The following SH2D1A variants were observed in gnomAD, a reference collection of about 807,000 sequenced individuals.
SH2D1A encodes the protein SH2 domain-containing protein 1A.
Under a neutral mutation model 10.1 loss-of-function variants are expected in SH2D1A, and 6 were observed. That is an observed-to-expected ratio of 0.60 (90% confidence interval 0.33 to 1.18). The LOEUF (loss-of-function observed/expected upper bound fraction) is 1.18, where lower values mean the gene tolerates loss of function less well. Among genes scored for constraint, SH2D1A ranks in the 50% most tolerant of loss-of-function variants. SH2D1A has a pLI of 0.04. For missense variants in SH2D1A, 51 were observed against 97.6 expected (o/e 0.52, Z 2.01); for synonymous variants, 42 against 36.9 (o/e 1.14, Z -0.51).
Position 124,371,092 on chromosome X carries a change from G to A in SH2D1A, c.347-259G>A, listed in dbSNP as rs773921551. Among the ~76,000 whole-genome samples, 134 of 111,597 alleles carry A rather than the reference G, an allele frequency of 1.2e-3. 1 individual carries two copies. The East Asian group carries it at 0.036, about 30-fold the overall frequency. On this transcript the variant is annotated intron_variant, in intron 3 of 3. Coordinates refer to ENST00000371139, the MANE Select transcript of SH2D1A (RefSeq NM_002351.5). ...CATAAACTGACAATTAGACTCAAGT[G>A]GTGAATTAAATTAATGAATAGTTAG...
chrX:124,370,893 TGCTAAAGACTGAATACCA>T (rs1202648121), intron 3 of SH2D1A, among the ~76,000 whole-genome samples: 1 of 112,286 alleles, frequency 8.9e-6, no homozygotes, highest in Non-Finnish European at 1.9e-5. Context: ...GTATGTGTCG[TGCTAAAGACTGAATACCA>T]GCCAATGTCT....
intron 2 of SH2D1A, chrX:124,367,708 C>G (rs1349199200): frequency 9.0e-6 from 1 of 111,246 alleles, no homozygotes; most frequent in Non-Finnish European, 1.9e-5. Flanking sequence ...AAACCCTGGC[C>G]CCACTGAATT....
chrX:124,359,035 T>C (rs1044928002), intron 1 of SH2D1A, among the ~76,000 whole-genome samples: 23 of 111,615 alleles, frequency 2.1e-4, no homozygotes, highest in African/African-American at 7.2e-4. Flanking sequence ...TATAAACTGC[T>C]GGCCTATTTG....
In SH2D1A at chrX:124,365,797, G is replaced by A; in HGVS notation, c.174G>A (p.Gln58=). Residue 58 remains glutamine (Q), a synonymous_variant, in exon 2 of 4, where the codon CAG becomes CAA. Transcript: ENST00000371139. ...HGYIYTYRVS[Q]TETGSWSAET... ...ACATTTATACATACCGAGTGTCCCA[G>A]ACAGAAACAGGTTCTTGGAGTGCTG... The A allele has an allele frequency of 4.2e-6, 5 of 1,176,815 alleles. No individual in the cohort carries two copies. The highest frequency in any genetic ancestry group is 3.5e-6 in the Non-Finnish European group (3 of 863,733).
intron 1 of SH2D1A, among the ~76,000 whole-genome samples, chrX:124,355,578 T>C (rs1305456602): frequency 9.0e-6 from 1 of 111,704 alleles, no homozygotes; most frequent in African/African-American, 3.3e-5. Flanking sequence ...GGTTTGTCTG[T>C]ATTAAGGGAG....
rs947325867 is a variant in SH2D1A at position 124,358,856 on chromosome X, C to A, written c.138-6905C>A. Among the ~76,000 whole-genome samples the A allele has an allele frequency of 2.7e-5, 3 of 111,590 alleles. No homozygotes were observed. In the Admixed American group the frequency reaches 2.8e-4, roughly 11 times the overall value. ...TCTGATTTAACAGGTCTGGGTGGGG[C>A]CTGGAAGTCTACATTTCTAACAAGC... is the stretch of plus-strand genomic sequence containing the variant. On this transcript the variant is annotated intron_variant, in intron 1 of 3. Coordinates refer to ENST00000371139, the MANE Select transcript of SH2D1A (RefSeq NM_002351.5).
intron 1 of SH2D1A, among the ~76,000 whole-genome samples, chrX:124,350,261 AAATATATATTATATATAATATTATAT>A (rs1458926862): frequency 6.8e-5 from 2 of 29,415 alleles, no homozygotes; most frequent in Non-Finnish European, 1.0e-4. Flanking sequence ...TATAATATAT[AAATATATATTATATATAATATTATAT>A]AATATATAAT....
chrX:124,354,809 A>G (rs1198379005), intron 1 of SH2D1A, among the ~76,000 whole-genome samples: 2 of 112,478 alleles, frequency 1.8e-5, no homozygotes, highest in Non-Finnish European at 3.8e-5. Context: ...TTGATATGGA[A>G]GTTCAGGGGA....
intron 1 of SH2D1A, among the ~76,000 whole-genome samples, chrX:124,352,111 T>C (rs2060016591): frequency 9.0e-6 from 1 of 111,312 alleles, no homozygotes; most frequent in Non-Finnish European, 1.9e-5. Context: ...ACTGCAGTTT[T>C]TGTTTTAAAT....
intron 1 of SH2D1A, among the ~76,000 whole-genome samples, chrX:124,364,710 C>T (rs907543174): frequency 1.1e-4 from 12 of 110,755 alleles, no homozygotes; most frequent in African/African-American, 2.6e-4. Flanking sequence ...GATGGGGTTT[C>T]GTTGTGTTAA....
chrX:124,372,491 C>A lies in SH2D1A; in HGVS notation c.*1100C>A, dbSNP rs141513491. ...ACGAGAAAACAATAACGATAAAAGACAGTGAAAGAAAATAACGATAAAAGA... is the reference window on the plus strand; with the variant it reads ...ACGAGAAAACAATAACGATAAAAGAAAGTGAAAGAAAATAACGATAAAAGA... On this transcript the variant is annotated 3_prime_UTR_variant, in exon 4 of 4. Coordinates refer to ENST00000371139, the MANE Select transcript of SH2D1A (RefSeq NM_002351.5). 6.1e-3 allele frequency: 1,043 copies of A among 170,407 alleles called. 13 individuals are homozygous for A. The highest frequency in any genetic ancestry group is 0.029 in the African/African-American group (980 of 33,449). The allele number at this position is 170,407 out of a possible 1,213,427, so 14.0% of individuals were successfully genotyped here.
intron 1 of SH2D1A, among the ~76,000 whole-genome samples, chrX:124,355,939 C>T (rs962293156): frequency 1.8e-5 from 2 of 109,296 alleles, no homozygotes; most frequent in Non-Finnish European, 3.8e-5. Context: ...ACTTTAAGTT[C>T]TAGGGTACAT....
At chrX:124,354,317 C>T (rs943883195) in intron 1 of SH2D1A, among the ~76,000 whole-genome samples, 3 of 111,137 alleles carry the variant, frequency 2.7e-5, no homozygotes, top group African/African-American at 6.5e-5. Flanking sequence ...TGATCTCTTT[C>T]GGGCTCTCCC....
intron 1 of SH2D1A, among the ~76,000 whole-genome samples, chrX:124,365,211 C>T (rs761164296): frequency 8.2e-5 from 9 of 109,732 alleles, no homozygotes; most frequent in Non-Finnish European, 1.7e-4. Flanking sequence ...ATGACTGTGG[C>T]AATATTATAT....
At chrX:124,359,912 A>T (rs1569527456) in intron 1 of SH2D1A, among the ~76,000 whole-genome samples, 3 of 105,725 alleles carry the variant, frequency 2.8e-5, no homozygotes, top group Non-Finnish European at 5.9e-5. Flanking sequence ...AGATATAGTA[A>T]TTTTTTTTTT....
At chrX:124,360,138 T>C (rs2060036515) in intron 1 of SH2D1A, among the ~76,000 whole-genome samples, 1 of 111,001 alleles carries the variant, frequency 9.0e-6, no homozygotes, top group Admixed American at 9.6e-5. Flanking sequence ...ACTCCTGACC[T>C]CAGGTGATCT....
chrX:124,365,817 G>A lies in SH2D1A; in HGVS notation c.194G>A (p.Ser65Asn). Reference sequence around the variant, plus strand: ...TCCCAGACAGAAACAGGTTCTTGGAGTGCTGAGGTATAGTTGTATTTATTT... The same window carrying A: ...TCCCAGACAGAAACAGGTTCTTGGAATGCTGAGGTATAGTTGTATTTATTT... Reference protein sequence around the residue: ...RVSQTETGSWSAETAPGVHKR... With the variant: ...RVSQTETGSWNAETAPGVHKR... The change falls in exon 2 of 4, where the codon AGT becomes AAT. Residue 65 changes from serine (S) to asparagine (N), a missense_variant. Transcript: ENST00000371139. 8.7e-7 allele frequency: 1 copy of A among 1,143,782 alleles called. No individual in the cohort carries two copies. The highest frequency in any genetic ancestry group is 3.0e-5 in the East Asian group (1 of 33,489). 94.3% of individuals were successfully genotyped at this position (1,143,782 alleles called of 1,213,427 possible). A position where few individuals can be genotyped will look rare whatever the true frequency, so the allele number is the denominator to read the frequency against.
chrX:124,346,969 G>A lies in SH2D1A; in HGVS notation c.137+190G>A, dbSNP rs151207536. ...CACACTTTCGCCTCAATCCCTCGCT[G>A]GGGATTTCATTCCCTGGGCCTCCTG... On this transcript the variant is annotated intron_variant, in intron 1 of 3. Transcript: ENST00000371139. Among the ~76,000 whole-genome samples the A allele has an allele frequency of 3.2e-3, 352 of 111,724 alleles. 4 individuals are homozygous for A. Among genetic ancestry groups the A allele is most frequent in the African/African-American group, 0.011 (336 of 30,783 alleles).
intron 1 of SH2D1A, among the ~76,000 whole-genome samples, chrX:124,351,421 T>C: frequency 9.1e-6 from 1 of 110,151 alleles, no homozygotes; most frequent in Non-Finnish European, 1.9e-5. Flanking sequence ...TAGAATGAAT[T>C]TCCAGTGTGG....
Sources: allele counts gnomAD v4.1 joint callset (sites outside exome capture counted in the v4.1 genomes callset), GRCh38; gene constraint gnomAD v4.1.1; transcripts MANE v1.5; gene names NCBI Gene and HGNC (gene_info 2026-07-23, HGNC 2026-07-21).